ZDHHC14: variants seen among roughly 807,000 people sequenced by gnomAD.
The protein encoded by ZDHHC14 is zDHHC palmitoyltransferase 14.
In ZDHHC14, 16 loss-of-function variants were observed where a neutral mutation model predicts 47.7. The observed-to-expected ratio is 0.34, with a 90% CI of 0.23 to 0.51. The LOEUF is 0.51. Ranked by LOEUF, ZDHHC14 falls within the 20% of genes least tolerant of loss-of-function variation. The pLI, the probability that ZDHHC14 is intolerant of heterozygous loss-of-function variation, is 0.97. For synonymous variants in ZDHHC14, 293 were observed against 278.9 expected, an observed-to-expected ratio of 1.05 and a Z score of -0.50; for missense variants, 515 against 662.5, an observed-to-expected ratio of 0.78 and a Z score of 2.44.
chr6:157,588,834 C>T (rs1320774426), intron 2 of ZDHHC14, among the ~76,000 whole-genome samples: 2 of 152,066 alleles, frequency 1.3e-5, no homozygotes, highest in Non-Finnish European at 2.9e-5. Flanking sequence ...GTTTCAATCA[C>T]TGGGGAATCT....
intron 1 of ZDHHC14, among the ~76,000 whole-genome samples, chr6:157,500,058 A>G (rs927445339): frequency 1.2e-4 from 18 of 152,222 alleles, no homozygotes; most frequent in Non-Finnish European, 2.1e-4. Context: ...AGAAGGGTGA[A>G]GCAGTAGACC....
At position 157,382,168 on chromosome 6, in the gene ZDHHC14, C is replaced by T. The variant is rs1777226430; in HGVS notation, c.147C>T (p.Phe49=). Residue 49 remains phenylalanine (F), a synonymous_variant, in exon 1 of 9, where the codon TTC becomes TTT. Transcript: ENST00000359775. ...KWEVFPGRNK[F]FCNGRIMMAR... Reference sequence around the variant, plus strand: ...AGGTGTTCCCGGGAAGAAACAAGTTCTTCTGTAACGGGAGGATCATGATGG... The same window carrying T: ...AGGTGTTCCCGGGAAGAAACAAGTTTTTCTGTAACGGGAGGATCATGATGG... The T allele has an allele frequency of 1.2e-6, 2 of 1,613,762 alleles. No individual in the cohort carries two copies. Among genetic ancestry groups the T allele is most frequent in the Middle Eastern group, 1.6e-4 (1 of 6,062 alleles).
At chr6:157,573,884 G>A (rs953433380) in intron 2 of ZDHHC14, among the ~76,000 whole-genome samples, 15 of 152,032 alleles carry the variant, frequency 9.9e-5, no homozygotes, top group African/African-American at 3.6e-4. Context: ...ATGGGCCTTG[G>A]TGGGGAGATG....
chr6:157,617,758 G>A (rs923070893), intron 3 of ZDHHC14, among the ~76,000 whole-genome samples: 2 of 152,160 alleles, frequency 1.3e-5, no homozygotes, highest in African/African-American at 2.4e-5. Context: ...TAAGAGTCAC[G>A]AGGGTGGGGG....
At chr6:157,584,224 G>A (rs998703589) in intron 2 of ZDHHC14, among the ~76,000 whole-genome samples, 3 of 152,142 alleles carry the variant, frequency 2.0e-5, no homozygotes, top group Non-Finnish European at 4.4e-5. Flanking sequence ...TGCACTGCTG[G>A]CCTGAGCCAG....
chr6:157,414,920 G>A (rs1197999382), intron 1 of ZDHHC14, among the ~76,000 whole-genome samples: 1 of 149,022 alleles, frequency 6.7e-6, no homozygotes, highest in Non-Finnish European at 1.5e-5. Flanking sequence ...AGGCTTTCGA[G>A]ACATTTTGAG....
intron 2 of ZDHHC14, among the ~76,000 whole-genome samples, chr6:157,558,343 T>C (rs1782564062): frequency 6.6e-6 from 1 of 152,168 alleles, no homozygotes; most frequent in Non-Finnish European, 1.5e-5. Flanking sequence ...ATTCTGATGG[T>C]TCATTTCTGA....
At chr6:157,561,062 C>T (rs1347129926) in intron 2 of ZDHHC14, among the ~76,000 whole-genome samples, 9 of 152,324 alleles carry the variant, frequency 5.9e-5, no homozygotes, top group East Asian at 3.9e-4. Context: ...AAGGACATTT[C>T]GGGGAGCCCA....
In ZDHHC14 at chr6:157,495,094, A is replaced by G. The variant is rs549808205; in HGVS notation, c.246-47491A>G. Among the ~76,000 whole-genome samples the G allele has an allele frequency of 2.8e-4, 42 of 152,022 alleles. No homozygotes were observed. In the South Asian group the frequency reaches 8.5e-3, roughly 31 times the overall value. On this transcript the variant is annotated intron_variant, in intron 1 of 8. Transcript: ENST00000359775. ...TTTTTATTTTTTCATTTCAAAATGGATGCAGAAAAGTATACCCCAAGGAGA... is the reference window on the plus strand; with the variant it reads ...TTTTTATTTTTTCATTTCAAAATGGGTGCAGAAAAGTATACCCCAAGGAGA...
At chr6:157,461,668 C>G (rs911418696) in intron 1 of ZDHHC14, among the ~76,000 whole-genome samples, 1 of 152,170 alleles carries the variant, frequency 6.6e-6, no homozygotes, top group African/African-American at 2.4e-5. Flanking sequence ...ACATATTCTC[C>G]TTCTAGATAG....
chr6:157,580,823 A>G (rs1783492597), intron 2 of ZDHHC14, among the ~76,000 whole-genome samples: 1 of 150,044 alleles, frequency 6.7e-6, no homozygotes, highest in East Asian at 1.9e-4. Flanking sequence ...TCCTTTTTTT[A>G]TTAGTCTAGC....
intron 1 of ZDHHC14, among the ~76,000 whole-genome samples, chr6:157,464,259 G>A (rs866520095): frequency 4.6e-5 from 7 of 152,042 alleles, no homozygotes; most frequent in Admixed American, 1.3e-4. Context: ...GAAATATTCC[G>A]TTTGCATGTA....
At chr6:157,646,914 A>C (rs796162811) in intron 6 of ZDHHC14, among the ~76,000 whole-genome samples, 1 of 152,340 alleles carries the variant, frequency 6.6e-6, no homozygotes, top group African/African-American at 2.4e-5. Context: ...TAAATTAGCA[A>C]TTAGGGGAAC....
rs373622179 is a variant in ZDHHC14, at chr6:157,542,727, G to A, written c.388G>A (p.Asp130Asn). 1.7e-5 allele frequency: 27 copies of A among 1,613,950 alleles called. No homozygotes were observed. The highest frequency in any genetic ancestry group is 6.7e-5 in the African/African-American group (5 of 74,916). The part of the protein sequence containing the change: ...LPRATPDEAA[D>N]LERQIDIANG... ...ACGAGCCACGCCTGATGAAGCCGCC[G>A]ATCTGGAAAGGCAAATAGGTAACAC... is the stretch of plus-strand genomic sequence containing the variant. Residue 130 changes from aspartate (D) to asparagine (N), a missense_variant, in exon 2 of 9, where the codon GAT becomes AAT. Physicochemically the swap from Asp to Asn is conservative, Grantham distance 23 (BLOSUM62 1). Around this residue, in one of 4 missense-constraint regions of ZDHHC14, gnomAD observed 229 missense variants for 351.5 expected, o/e 0.65. Coordinates refer to ENST00000359775, the MANE Select transcript of ZDHHC14 (RefSeq NM_024630.3).
chr6:157,491,833 T>C (rs1779924391), intron 1 of ZDHHC14, among the ~76,000 whole-genome samples: 2 of 152,356 alleles, frequency 1.3e-5, no homozygotes. Context: ...CTGAGAGTGA[T>C]GGTAATGACA....
chr6:157,394,636 T>C (rs891904442), intron 1 of ZDHHC14, among the ~76,000 whole-genome samples: 1 of 152,204 alleles, frequency 6.6e-6, no homozygotes, highest in Non-Finnish European at 1.5e-5. Context: ...CACTCCCACT[T>C]TTTTGAGCCA....
chr6:157,599,293 T>C (rs935741167), intron 3 of ZDHHC14, among the ~76,000 whole-genome samples: 4 of 152,196 alleles, frequency 2.6e-5, no homozygotes, highest in African/African-American at 9.7e-5. Context: ...GCACGGCCAG[T>C]TGCATCTGCA....
At chr6:157,418,027 G>A (rs187813123) in intron 1 of ZDHHC14, among the ~76,000 whole-genome samples, 2 of 151,658 alleles carry the variant, frequency 1.3e-5, no homozygotes, top group African/African-American at 4.8e-5. Flanking sequence ...TCTGCTTAGC[G>A]ATGTCTCGGG....
At chr6:157,383,195 G>C (rs991271902) in intron 1 of ZDHHC14, among the ~76,000 whole-genome samples, 17 of 152,156 alleles carry the variant, frequency 1.1e-4, no homozygotes, top group Non-Finnish European at 2.4e-4. Flanking sequence ...ATCAATTTTG[G>C]TTGCTTTTTT....
Sources: allele counts gnomAD v4.1 joint callset (sites outside exome capture counted in the v4.1 genomes callset), GRCh38; gene constraint gnomAD v4.1.1; regional missense constraint gnomAD v4.1.1; transcripts MANE v1.5; gene names NCBI Gene and HGNC (gene_info 2026-07-23, HGNC 2026-07-21).